The following CNTN6 variants were observed in gnomAD, a reference collection of about 807,000 sequenced individuals.
The protein encoded by CNTN6 is contactin 6.
Under a neutral mutation model 122.8 loss-of-function variants are expected in CNTN6, and 137 were observed. That is an observed-to-expected ratio of 1.12 (90% CI 0.97 to 1.29). The LOEUF (loss-of-function observed/expected upper bound fraction) is 1.29. CNTN6 is among the 50% of genes most tolerant of loss of function. The pLI is 0.00. For missense variants in CNTN6, 1,634 were observed against 1,223.4 expected, an observed-to-expected ratio of 1.34 and a Z score of -5.01; for synonymous variants, 570 against 426.0, an observed-to-expected ratio of 1.34 and a Z score of -4.16.
chr3:1,374,031 GA>G lies in CNTN6; in HGVS notation c.2055del (p.Glu685AspfsTer9), dbSNP rs1709506124. 1 of 1,612,926 alleles carries G rather than the reference GA, an allele frequency of 6.2e-7. No homozygotes were observed. Among genetic ancestry groups the G allele is most frequent in the Non-Finnish European group, 8.5e-7 (1 of 1,179,204 alleles). On this transcript the variant is annotated frameshift_variant, in exon 16 of 23. Coordinates refer to ENST00000446702, the MANE Select transcript of CNTN6 (RefSeq NM_001289080.2). LOFTEE classifies it high-confidence loss of function. ...VVAGNSIGIG[E>X]PSEPSELLRT... ...TGCCGGCAACAGCATTGGGATTGGAGAACCAAGTGAACCATCAGAATTGTTA... is the reference window on the plus strand; with the variant it reads ...TGCCGGCAACAGCATTGGGATTGGAGACCAAGTGAACCATCAGAATTGTTA...
chr3:1,118,886 C>G (rs1574913245), intron 1 of CNTN6, among the ~76,000 whole-genome samples: 7 of 151,716 alleles, frequency 4.6e-5, no homozygotes. Context: ...CAAAACAAAA[C>G]AAAAAAACAC....
At chr3:1,214,580 G>A (rs926731744) in intron 2 of CNTN6, among the ~76,000 whole-genome samples, 1 of 151,934 alleles carries the variant, frequency 6.6e-6, no homozygotes, top group African/African-American at 2.4e-5. Flanking sequence ...AAAGTGCTGG[G>A]ATTACATGTG....
chr3:1,372,859 A>T lies in CNTN6; in HGVS notation c.1690A>T (p.Ile564Leu). The T allele has an allele frequency of 6.2e-7, 1 of 1,605,124 alleles. No individual in the cohort carries two copies. ...GCAGGAATCTGTTGGGGATTTGATG[A>T]TAAGGAATATTCAGTTACATCATTC... Reference protein sequence around the residue: ...IGGESVGDLMIRNIQLHHSGK... With the variant: ...IGGESVGDLMLRNIQLHHSGK... The change falls in exon 14 of 23, where the codon ATA becomes TTA. Residue 564 changes from isoleucine (I) to leucine (L), a missense_variant. Physicochemically the swap from Ile to Leu is conservative, Grantham distance 5 (BLOSUM62 2). Coordinates refer to ENST00000446702, the MANE Select transcript of CNTN6 (RefSeq NM_001289080.2).
chr3:1,262,417 G>A (rs1330241612), intron 4 of CNTN6, among the ~76,000 whole-genome samples: 1 of 152,146 alleles, frequency 6.6e-6, no homozygotes, highest in East Asian at 1.9e-4. Flanking sequence ...AGAGAGGGAG[G>A]AAGAGAATAA....
chr3:1,339,484 C>T (rs193255027), intron 11 of CNTN6, among the ~76,000 whole-genome samples: 2 of 152,190 alleles, frequency 1.3e-5, no homozygotes, highest in East Asian at 1.9e-4. Flanking sequence ...CCCACAGCTC[C>T]GGTGCAGTGG....
intron 3 of CNTN6, among the ~76,000 whole-genome samples, chr3:1,223,279 G>C (rs1228836558): frequency 2.0e-5 from 3 of 152,132 alleles, no homozygotes; most frequent in African/African-American, 7.2e-5. Flanking sequence ...GGTGACTTTG[G>C]AATAATCATT....
At chr3:1,105,141 G>C (rs1405518242) in intron 1 of CNTN6, among the ~76,000 whole-genome samples, 1 of 152,056 alleles carries the variant, frequency 6.6e-6, no homozygotes. Context: ...CTTGCAGGCA[G>C]GTGAGTGCTC....
rs1211008614 is a variant in CNTN6 at position 1,098,789 on chromosome 3, C to CACATATAT, written c.-83+5670_-83+5671insCATATATA. On this transcript the variant is annotated intron_variant, in intron 1 of 22. Coordinates refer to ENST00000446702, the MANE Select transcript of CNTN6 (RefSeq NM_001289080.2). ...ACACACACACACACACACACACACA[C>CACATATAT]ATATATATATATATATATATATATA... 5.0e-3 allele frequency among the ~76,000 whole-genome samples: 319 copies of CACATATAT among 63,172 alleles called. 2 individuals are homozygous for CACATATAT. Among genetic ancestry groups the CACATATAT allele is most frequent in the Middle Eastern group, 0.025 (3 of 118 alleles). The allele number at this position is 63,172 out of a possible 152,430, so 41.4% of individuals were successfully genotyped here. A position where few individuals can be genotyped will look rare whatever the true frequency, so the allele number is the denominator to read the frequency against.
chr3:1,216,233 G>A (rs957150684), intron 2 of CNTN6, among the ~76,000 whole-genome samples: 3 of 151,302 alleles, frequency 2.0e-5, no homozygotes, highest in Non-Finnish European at 4.4e-5. Context: ...TTCCATCTGT[G>A]TACATACAAA....
At chr3:1,165,891 C>T (rs544244373) in intron 2 of CNTN6, among the ~76,000 whole-genome samples, 2 of 152,274 alleles carry the variant, frequency 1.3e-5, no homozygotes, top group African/African-American at 2.4e-5. Flanking sequence ...TCTTACAGTG[C>T]CTGATCCCTC....
At chr3:1,254,911 C>T (rs190234942) in intron 4 of CNTN6, among the ~76,000 whole-genome samples, 1 of 152,100 alleles carries the variant, frequency 6.6e-6, no homozygotes. Context: ...TTGGTTTACT[C>T]GGTGGTTCCT....
intron 11 of CNTN6, among the ~76,000 whole-genome samples, chr3:1,334,376 ATT>A (rs11332039): frequency 0.49 from 72,078 of 147,016 alleles, 18,242 homozygotes; most frequent in East Asian, 0.76. Flanking sequence ...TCCTCTTTTT[ATT>A]TTTTTTTTTT....
At chr3:1,280,451 T>C (rs114483549) in intron 5 of CNTN6, among the ~76,000 whole-genome samples, 4,531 of 139,906 alleles carry the variant, frequency 0.032, 123 homozygotes, top group South Asian at 0.055. Context: ...CAAACTTGTG[T>C]AATACCAATT....
At chr3:1,199,175 CTT>C (rs58536354) in intron 2 of CNTN6, among the ~76,000 whole-genome samples, 8 of 124,120 alleles carry the variant, frequency 6.4e-5, no homozygotes, top group Admixed American at 8.4e-5. Context: ...ACAATATATG[CTT>C]TTTTTTTTTT....
chr3:1,309,329 T>C (rs986435197), intron 7 of CNTN6, among the ~76,000 whole-genome samples: 6 of 152,208 alleles, frequency 3.9e-5, no homozygotes, highest in Admixed American at 2.0e-4. Flanking sequence ...GACTTCTGGG[T>C]CTATTCATTT....
chr3:1,313,450 A>G (rs957086539), intron 7 of CNTN6, among the ~76,000 whole-genome samples: 4 of 152,132 alleles, frequency 2.6e-5, no homozygotes, highest in African/African-American at 9.7e-5. Flanking sequence ...ATTGTATTTT[A>G]GAATGTACTC....
chr3:1,280,553 C>G (rs564320456), intron 5 of CNTN6, among the ~76,000 whole-genome samples: 1 of 144,758 alleles, frequency 6.9e-6, no homozygotes, highest in African/African-American at 2.6e-5. Flanking sequence ...CAACCTCTGC[C>G]TCCTGGGTTC....
At chr3:1,295,874 C>T in intron 6 of CNTN6, 70 bp downstream of exon 6, 2 of 1,383,778 alleles carry the variant, frequency 1.4e-6, no homozygotes, top group Non-Finnish European at 1.0e-6. Context: ...ATTCGTAAAG[C>T]TTTCTGCTTC....
At chr3:1,318,773 T>G (rs1575681454) in intron 7 of CNTN6, among the ~76,000 whole-genome samples, 1 of 151,704 alleles carries the variant, frequency 6.6e-6, no homozygotes, top group African/African-American at 2.4e-5. Context: ...TGGCTGCTCC[T>G]GGGGGTATGT....
Sources: allele counts gnomAD v4.1 joint callset (sites outside exome capture counted in the v4.1 genomes callset), GRCh38; gene constraint gnomAD v4.1.1; transcripts MANE v1.5; gene names NCBI Gene and HGNC (gene_info 2026-07-23, HGNC 2026-07-21).